ALK: variants seen among roughly 807,000 people sequenced by gnomAD.
ALK encodes ALK receptor tyrosine kinase, also known as ALK tyrosine kinase receptor.
Under a neutral mutation model 163.1 loss-of-function variants are expected in ALK, and 74 were observed. The observed-to-expected ratio is 0.45, with a 90% CI of 0.38 to 0.55. The LOEUF (loss-of-function observed/expected upper bound fraction) is 0.55, where lower values mean the gene tolerates loss of function less well. Ranked by LOEUF, ALK falls within the 20% of genes least tolerant of loss-of-function variation. The pLI, the probability that ALK is intolerant of heterozygous loss-of-function variation, is 0.00. For synonymous variants in ALK, 960 were observed against 843.2 expected (o/e 1.14, Z -2.40); for missense variants, 2,063 against 2,105.3 (o/e 0.98, Z 0.39).
intron 13 of ALK, 100 bp from the exon 14 acceptor site, chr2:29,233,796 C>CT (rs1664289900): frequency 1.3e-6 from 2 of 1,528,766 alleles, no homozygotes; most frequent in Non-Finnish European, 1.8e-6. Flanking sequence ...CTGACTCTCT[C>CT]TCAAAAAACT....
At chr2:29,764,882 T>C (rs1031376516) in intron 1 of ALK, among the ~76,000 whole-genome samples, 2 of 152,154 alleles carry the variant, frequency 1.3e-5, no homozygotes, top group African/African-American at 4.8e-5. Context: ...ATTCCAAATG[T>C]TGGAGGTGGG....
intron 2 of ALK, among the ~76,000 whole-genome samples, chr2:29,705,696 A>G (rs747434512): frequency 1.3e-5 from 2 of 152,134 alleles, no homozygotes; most frequent in Non-Finnish European, 2.9e-5. Flanking sequence ...TTGTGCCTCA[A>G]TTTTTTCAAC....
At chr2:29,579,698 CA>C (rs1255198009) in intron 3 of ALK, among the ~76,000 whole-genome samples, 2 of 152,124 alleles carry the variant, frequency 1.3e-5, no homozygotes, top group Non-Finnish European at 2.9e-5. Context: ...GTCAACTCAT[CA>C]GATTGAGAGC....
intron 1 of ALK, among the ~76,000 whole-genome samples, chr2:29,876,705 GTGATGGTGGTGATGGTGATGA>G (rs1435963337): frequency 7.0e-6 from 1 of 143,156 alleles, no homozygotes; most frequent in Non-Finnish European, 1.5e-5. Context: ...GGTAGTGATG[GTGATGGTGGTGATGGTGATGA>G]TGATGGTGGT....
chr2:29,506,353 G>A (rs1672320796), intron 4 of ALK, among the ~76,000 whole-genome samples: 1 of 152,158 alleles, frequency 6.6e-6, no homozygotes, highest in Non-Finnish European at 1.5e-5. Context: ...CTCTAGTGGG[G>A]TAATAGAAGG....
At chr2:29,443,404 G>A (rs1326248352) in intron 4 of ALK, among the ~76,000 whole-genome samples, 2 of 152,206 alleles carry the variant, frequency 1.3e-5, no homozygotes, top group Non-Finnish European at 2.9e-5. Context: ...CTTTAGAGCT[G>A]TTCTGCTGCC....
intron 3 of ALK, among the ~76,000 whole-genome samples, chr2:29,610,828 C>G (rs556034956): frequency 6.6e-6 from 1 of 152,266 alleles, no homozygotes; most frequent in East Asian, 1.9e-4. Context: ...CGGATAAGAT[C>G]ATGTCCTAGT....
At chr2:29,745,827 A>G (rs1194117928) in intron 1 of ALK, among the ~76,000 whole-genome samples, 1 of 152,214 alleles carries the variant, frequency 6.6e-6, no homozygotes, top group Non-Finnish European at 1.5e-5. Flanking sequence ...TGCTAAATAA[A>G]TATTTGTTGG....
intron 3 of ALK, among the ~76,000 whole-genome samples, chr2:29,611,784 T>C (rs951159816): frequency 9.9e-5 from 15 of 152,182 alleles, no homozygotes; most frequent in Non-Finnish European, 2.1e-4. Flanking sequence ...CTCTGTCTCC[T>C]GCCACAGGTG....
chr2:29,199,271 C>A (rs75439077), intron 26 of ALK, among the ~76,000 whole-genome samples: 2 of 152,250 alleles, frequency 1.3e-5, no homozygotes, highest in East Asian at 3.9e-4. Context: ...CTTTCTAATG[C>A]TACTTTTTAG....
intron 3 of ALK, among the ~76,000 whole-genome samples, chr2:29,623,603 T>A (rs1403506811): frequency 1.3e-5 from 2 of 152,200 alleles, no homozygotes; most frequent in African/African-American, 4.8e-5. Flanking sequence ...TAAGTGACTT[T>A]CCCTAAACTG....
At chr2:29,690,150 C>T (rs924739538) in intron 3 of ALK, among the ~76,000 whole-genome samples, 1 of 152,200 alleles carries the variant, frequency 6.6e-6, no homozygotes, top group African/African-American at 2.4e-5. Flanking sequence ...TCTGCTGTTG[C>T]AATACCCTAG....
intron 4 of ALK, among the ~76,000 whole-genome samples, chr2:29,452,332 G>GTTTTTTT (rs66533654): frequency 1.4e-5 from 2 of 146,102 alleles, no homozygotes; most frequent in East Asian, 2.0e-4. Context: ...AGTTTTTTTT[G>GTTTTTTT]TTTTTTTTTT....
intron 3 of ALK, among the ~76,000 whole-genome samples, chr2:29,585,874 T>C (rs1022165556): frequency 1.3e-5 from 2 of 152,138 alleles, no homozygotes; most frequent in Non-Finnish European, 2.9e-5. Flanking sequence ...TATCCTAAGA[T>C]ACATATGTAT....
At chr2:29,780,074 G>T (rs1681291465) in intron 1 of ALK, among the ~76,000 whole-genome samples, 1 of 152,172 alleles carries the variant, frequency 6.6e-6, no homozygotes, top group South Asian at 2.1e-4. Flanking sequence ...TATTGACTCT[G>T]GATCTCTACA....
chr2:29,687,683 T>A (rs55772281), intron 3 of ALK, among the ~76,000 whole-genome samples: 4,382 of 152,252 alleles, frequency 0.029, 227 homozygotes, highest in African/African-American at 0.1. Flanking sequence ...TGTGTTGGTA[T>A]ATTTCCTTAC....
intron 26 of ALK, among the ~76,000 whole-genome samples, chr2:29,205,012 T>A (rs1669276922): frequency 6.6e-6 from 1 of 152,170 alleles, no homozygotes; most frequent in South Asian, 2.1e-4. Flanking sequence ...TGGAAGAAAG[T>A]GAGAACACGC....
intron 5 of ALK, among the ~76,000 whole-genome samples, chr2:29,345,922 G>A (rs951216602): frequency 6.6e-6 from 1 of 152,130 alleles, no homozygotes; most frequent in Non-Finnish European, 1.5e-5. Context: ...ACACAGAAAG[G>A]AAAACTAGAA....
chr2:29,598,755 G>A (rs865815662), intron 3 of ALK, among the ~76,000 whole-genome samples: 8 of 152,242 alleles, frequency 5.3e-5, no homozygotes, highest in Middle Eastern at 3.4e-3. Context: ...TTGAGATGAT[G>A]GGAGCATGAG....
Sources: allele counts gnomAD v4.1 joint callset (sites outside exome capture counted in the v4.1 genomes callset), GRCh38; gene constraint gnomAD v4.1.1; transcripts MANE v1.5; gene names NCBI Gene and HGNC (gene_info 2026-07-23, HGNC 2026-07-21).